NFATC1: variants seen among roughly 807,000 people sequenced by gnomAD.
NFATC1 encodes nuclear factor of activated T-cells, cytoplasmic 1.
NFATC1 carries 22 observed loss-of-function variants against 76.0 expected under a neutral mutation model. The ratio of observed to expected loss-of-function variants is 0.29; its 90% CI spans 0.21 to 0.41. NFATC1 has a LOEUF of 0.41. Among genes scored for constraint, NFATC1 ranks in the 10% least tolerant of loss-of-function variants. The pLI, the probability that NFATC1 is intolerant of heterozygous loss-of-function variation, is 1.00. For synonymous variants in NFATC1, 704 were observed against 613.1 expected, an observed-to-expected ratio of 1.15 and a Z score of -2.19; for missense variants, 1,357 against 1,337.7, an observed-to-expected ratio of 1.01 and a Z score of -0.23.
intron 9 of NFATC1, among the ~76,000 whole-genome samples, chr18:79,516,949 G>A (rs568728721): frequency 2.0e-5 from 3 of 152,306 alleles, no homozygotes; most frequent in African/African-American, 2.4e-5. Context: ...TGAAAGCTGT[G>A]TATTCAGCAA....
intron 2 of NFATC1, among the ~76,000 whole-genome samples, chr18:79,425,315 T>G (rs1235448634): frequency 6.9e-6 from 1 of 144,790 alleles, no homozygotes; most frequent in African/African-American, 2.5e-5. Flanking sequence ...CTCTTTTAAC[T>G]AAGGGAAAAG....
intron 3 of NFATC1, among the ~76,000 whole-genome samples, chr18:79,446,256 T>C (rs2087201381): frequency 6.6e-6 from 1 of 152,104 alleles, no homozygotes; most frequent in South Asian, 2.1e-4. Context: ...AAATGGCATG[T>C]TTTTTAAAGG....
intron 4 of NFATC1, among the ~76,000 whole-genome samples, 175 bp downstream of exon 4, chr18:79,449,159 TTC>T (rs2087350518): frequency 6.6e-6 from 1 of 152,224 alleles, no homozygotes. Context: ...ATGGATTTGC[TTC>T]TCTCTAGGGT....
intron 9 of NFATC1, among the ~76,000 whole-genome samples, chr18:79,502,766 CAAT>C (rs2090041202): frequency 6.6e-6 from 1 of 152,104 alleles, no homozygotes; most frequent in South Asian, 2.1e-4. Flanking sequence ...TTGTAAATTT[CAAT>C]AAGATACCAT....
intron 1 of NFATC1, among the ~76,000 whole-genome samples, chr18:79,404,300 A>AT (rs1432915326): frequency 5.3e-5 from 8 of 152,288 alleles, no homozygotes; most frequent in Admixed American, 2.6e-4. Flanking sequence ...TGACGAGGCC[A>AT]TCCTATTTGC....
intron 1 of NFATC1, chr18:79,400,607 GC>G: frequency 1.3e-6 from 1 of 790,646 alleles, no homozygotes; most frequent in African/African-American, 1.8e-5. Context: ...GGACCGAGGG[GC>G]TACGGCGGGG....
At chr18:79,401,777 G>A (rs755625266) in intron 1 of NFATC1, among the ~76,000 whole-genome samples, 3 of 152,192 alleles carry the variant, frequency 2.0e-5, no homozygotes, top group Non-Finnish European at 1.5e-5. Flanking sequence ...GCAGTCATCG[G>A]GGGTCGGGTG....
At chr18:79,466,476 G>A (rs761106357) in intron 7 of NFATC1, among the ~76,000 whole-genome samples, 2 of 152,158 alleles carry the variant, frequency 1.3e-5, no homozygotes, top group Admixed American at 6.5e-5. Flanking sequence ...CTGAGCACGC[G>A]GTTGGGGTCT....
intron 2 of NFATC1, among the ~76,000 whole-genome samples, chr18:79,431,733 C>T (rs113853791): frequency 0.1 from 15,855 of 151,874 alleles, 1,102 homozygotes; most frequent in Non-Finnish European, 0.15. Context: ...GATGGAGTCT[C>T]GCTCTGTCGC....
intron 9 of NFATC1, among the ~76,000 whole-genome samples, chr18:79,518,769 C>T (rs1432536708): frequency 2.0e-5 from 3 of 152,176 alleles, no homozygotes. Context: ...GAGAGCTGTG[C>T]CGGGTGCTCT....
At chr18:79,455,492 G>A (rs1472441411) in intron 6 of NFATC1, among the ~76,000 whole-genome samples, 2 of 152,186 alleles carry the variant, frequency 1.3e-5, no homozygotes, top group Non-Finnish European at 2.9e-5. Context: ...AAGCAGAGAC[G>A]GGCTGTGCCA....
At chr18:79,406,453 A>C (rs476897) in intron 1 of NFATC1, among the ~76,000 whole-genome samples, 1 of 152,016 alleles carries the variant, frequency 6.6e-6, no homozygotes, top group South Asian at 2.1e-4. Context: ...CCACGCTGCC[A>C]TCGTGTTCCC....
At chr18:79,496,689 C>T (rs1396177150) in intron 9 of NFATC1, 1 of 152,306 alleles carries the variant, frequency 6.6e-6, no homozygotes, top group Non-Finnish European at 1.5e-5. Context: ...TGCTGAGAGA[C>T]TCACTCCTGA....
chr18:79,414,232 A>G (rs1339877176), intron 2 of NFATC1, among the ~76,000 whole-genome samples: 1 of 152,194 alleles, frequency 6.6e-6, no homozygotes, highest in Admixed American at 6.5e-5. Flanking sequence ...GCAGGCGTGG[A>G]AAATGTCACC....
chr18:79,430,140 C>T (rs992113774), intron 2 of NFATC1, among the ~76,000 whole-genome samples: 1 of 152,214 alleles, frequency 6.6e-6, no homozygotes, highest in Non-Finnish European at 1.5e-5. Context: ...CAGAATGTGT[C>T]CTTGTCATAA....
At chr18:79,402,231 G>C (rs2085292061) in intron 1 of NFATC1, 1 of 629,176 alleles carries the variant, frequency 1.6e-6, no homozygotes, top group Non-Finnish European at 2.0e-6. Context: ...CAGGAGGCCA[G>C]TCTCTGCCCC....
At chr18:79,464,694 A>ATATATATATATATATTT (rs1568994689) in intron 7 of NFATC1, among the ~76,000 whole-genome samples, 1 of 106,718 alleles carries the variant, frequency 9.4e-6, no homozygotes, top group Non-Finnish European at 1.8e-5. Flanking sequence ...ATATATATAT[A>ATATATATATATATATTT]TTTATTTATT....
chr18:79,525,835 G>T (rs2090747543), intron 9 of NFATC1, among the ~76,000 whole-genome samples: 1 of 152,242 alleles, frequency 6.6e-6, no homozygotes, highest in Non-Finnish European at 1.5e-5. Context: ...TCCTGGGCAG[G>T]TGGCTCCTCC....
chr18:79,492,553 C>CAAA lies in NFATC1; in HGVS notation c.2782+5620_2782+5622dup, dbSNP rs1174570093. On this transcript the variant is annotated intron_variant, in intron 9 of 9. Transcript: ENST00000427363. ...TGAAACCCCATCTCTACTAAAAATA[C>CAAA]AAAAAATTAGCCGGGAGTGGTGGCG... Among the ~76,000 whole-genome samples the CAAA allele has an allele frequency of 2.0e-5, 3 of 152,054 alleles. No homozygotes were observed. The South Asian group carries it at 6.2e-4, about 32-fold the overall frequency.
Sources: allele counts gnomAD v4.1 joint callset (sites outside exome capture counted in the v4.1 genomes callset), GRCh38; gene constraint gnomAD v4.1.1; transcripts MANE v1.5; gene names NCBI Gene and HGNC (gene_info 2026-07-23, HGNC 2026-07-21).